Variants in DCP2 observed in about 807,000 individuals in gnomAD.
The protein encoded by DCP2 is m7GpppN-mRNA hydrolase.
Under a neutral mutation model 56.1 loss-of-function variants are expected in DCP2, and 30 were observed. The ratio of observed to expected loss-of-function variants is 0.53; its 90% confidence interval spans 0.40 to 0.73. The LOEUF is 0.73. DCP2 is among the 30% of genes least tolerant of loss of function. The pLI is 0.00. For synonymous variants in DCP2, 197 were observed against 163.3 expected, an observed-to-expected ratio of 1.21 and a Z score of -1.57; for missense variants, 533 against 502.7, an observed-to-expected ratio of 1.06 and a Z score of -0.58.
Position 113,015,344 on chromosome 5 carries a change from T to A in DCP2, c.*1860T>A, listed in dbSNP as rs1443396691. On this transcript the variant is annotated 3_prime_UTR_variant, in exon 11 of 11. Transcript: ENST00000389063. ...GAAACCATTTAACTTTTACTGTTTT[T>A]TATTTTTTTGGTATGTGTTTTTTTT... 3 of 152,496 alleles carry A rather than the reference T, an allele frequency of 2.0e-5. No individual in the cohort carries two copies. The highest frequency in any genetic ancestry group is 7.2e-5 in the African/African-American group (3 of 41,432). The allele number at this position is 152,496 out of a possible 1,614,324, so 9.4% of individuals were successfully genotyped here.
intron 4 of DCP2, 110 bp from the exon 5 acceptor site, chr5:113,000,974 A>G (rs1749150530): frequency 3.7e-6 from 4 of 1,082,134 alleles, no homozygotes; most frequent in South Asian, 1.7e-5. Flanking sequence ...TAGAAATAGT[A>G]AATACAAGTC....
intron 8 of DCP2, among the ~76,000 whole-genome samples, chr5:113,006,659 A>G (rs755211933): frequency 2.6e-5 from 4 of 152,016 alleles, no homozygotes; most frequent in East Asian, 1.9e-4. Context: ...TATTTATTCT[A>G]TTTTAGCCAG....
rs1750087906 is a variant in DCP2, at chr5:113,020,854, T to A, written c.*7370T>A. On this transcript the variant is annotated 3_prime_UTR_variant, in exon 11 of 11. Transcript: ENST00000389063. ...GCCTTTTAATCTTACAAAATACAATTTGAACGATGGAAGGTTGTTCAGATA... is the reference window on the plus strand; with the variant it reads ...GCCTTTTAATCTTACAAAATACAATATGAACGATGGAAGGTTGTTCAGATA... 6.6e-6 allele frequency: 1 copy of A among 152,350 alleles called. No individual in the cohort carries two copies. The highest frequency in any genetic ancestry group is 6.5e-5 in the Admixed American group (1 of 15,304). The allele number at this position is 152,350 out of a possible 1,614,324, so 9.4% of individuals were successfully genotyped here. A position where few individuals can be genotyped will look rare whatever the true frequency, so the allele number is the denominator to read the frequency against.
intron 1 of DCP2, among the ~76,000 whole-genome samples, chr5:112,980,683 A>G (rs1747964212): frequency 6.6e-6 from 1 of 152,216 alleles, no homozygotes; most frequent in Non-Finnish European, 1.5e-5. Flanking sequence ...TTTACTATTA[A>G]AAATATGTAA....
intron 7 of DCP2, 142 bp from the exon 8 acceptor site, chr5:113,003,800 T>C: frequency 1.1e-6 from 1 of 911,774 alleles, no homozygotes; most frequent in East Asian, 2.7e-5. Context: ...TTAAAATCTC[T>C]GCTCTCATAG....
chr5:113,002,492 G>C (rs939249172), intron 7 of DCP2, among the ~76,000 whole-genome samples: 8 of 151,718 alleles, frequency 5.3e-5, no homozygotes, highest in Non-Finnish European at 1.2e-4. Flanking sequence ...GACATAAACC[G>C]TGAAGAACAT....
In DCP2 at chr5:113,018,402, T is replaced by C. The variant is rs1320653148; in HGVS notation, c.*4918T>C. The C allele has an allele frequency of 6.6e-6, 1 of 151,680 alleles. No individual in the cohort carries two copies. The highest frequency in any genetic ancestry group is 1.5e-5 in the Non-Finnish European group (1 of 67,924). 9.4% of individuals were successfully genotyped at this position (151,680 alleles called of 1,614,324 possible). A position where few individuals can be genotyped will look rare whatever the true frequency, so the allele number is the denominator to read the frequency against. On this transcript the variant is annotated 3_prime_UTR_variant, in exon 11 of 11. Transcript: ENST00000389063. The stretch of plus-strand genomic sequence containing the variant: ...GGATCTTCTGTGGTTAGCAGAGGAG[T>C]ATGGTCTAGCTATGTTAGCAGCTTG...
chr5:112,999,777 G>A (rs1277077352), intron 4 of DCP2, among the ~76,000 whole-genome samples: 2 of 151,742 alleles, frequency 1.3e-5, no homozygotes, highest in Non-Finnish European at 2.9e-5. Flanking sequence ...AAACAGGCGT[G>A]CGGCCGGGCA....
chr5:113,002,475 C>CT (rs1290082749), intron 7 of DCP2, among the ~76,000 whole-genome samples: 1 of 151,460 alleles, frequency 6.6e-6, no homozygotes, highest in African/African-American at 2.4e-5. Context: ...AGAGTGACTA[C>CT]TACCTGGACA....
Position 113,020,261 on chromosome 5 carries a change from T to A in DCP2, c.*6777T>A, listed in dbSNP as rs1427954278. ...AAGTAGATTTGTGAACTTTATTTCT[T>A]TAGTAATTATTTTTATCTTATGTGA... On this transcript the variant is annotated 3_prime_UTR_variant, in exon 11 of 11. Coordinates refer to ENST00000389063, the MANE Select transcript of DCP2 (RefSeq NM_152624.6). The A allele has an allele frequency of 3.9e-5, 6 of 152,220 alleles. No homozygotes were observed. Among genetic ancestry groups the A allele is most frequent in the Admixed American group, 3.3e-4 (5 of 15,284 alleles). The allele number at this position is 152,220 out of a possible 1,614,324, so 9.4% of individuals were successfully genotyped here.
At chr5:112,985,477 T>C (rs1240695692) in intron 1 of DCP2, among the ~76,000 whole-genome samples, 1 of 152,238 alleles carries the variant, frequency 6.6e-6, no homozygotes, top group Non-Finnish European at 1.5e-5. Context: ...GCAAACATTT[T>C]AAAATTGTAT....
chr5:113,019,567 A>C lies in DCP2; in HGVS notation c.*6083A>C, dbSNP rs948114472. The C allele has an allele frequency of 3.9e-5, 6 of 152,204 alleles. No individual in the cohort carries two copies. The highest frequency in any genetic ancestry group is 7.4e-5 in the Non-Finnish European group (5 of 68,022). The allele number at this position is 152,204 out of a possible 1,614,324, so 9.4% of individuals were successfully genotyped here. ...GTTCTTTGGTCATATTTCACTTTAG[A>C]GTTAGGACAGGAGACAGCTAACCTG... On this transcript the variant is annotated 3_prime_UTR_variant, in exon 11 of 11. Transcript: ENST00000389063.
intron 8 of DCP2, among the ~76,000 whole-genome samples, chr5:113,006,358 G>A (rs994264289): frequency 6.6e-6 from 1 of 152,096 alleles, no homozygotes; most frequent in Admixed American, 6.6e-5. Context: ...TAAAAGTTGG[G>A]GAAGTGGGTA....
rs776321450 is a variant in DCP2, at chr5:113,010,780, C to T, written c.1072C>T (p.Arg358Trp). The change falls in exon 10 of 11, where the codon CGG (arginine) becomes TGG (tryptophan). Residue 358 changes from arginine to tryptophan, a missense_variant. By Grantham distance (101) the Arg-to-Trp change is moderately radical (BLOSUM62 -3). Around this residue, in one of 3 missense-constraint regions of DCP2, gnomAD observed 392 missense variants for 346.6 expected, o/e 1.13. Coordinates refer to ENST00000389063, the MANE Select transcript of DCP2 (RefSeq NM_152624.6). The stretch of plus-strand genomic sequence containing the variant: ...GAAGTGTGAAAAGAAACTTCATCCA[C>T]GGAAACTTCAGGATAATTTTGAAAC... ...LMKCEKKLHP[R>W]KLQDNFETDA... 31 of 1,591,838 alleles carry T rather than the reference C, an allele frequency of 1.9e-5. No homozygotes were observed. Among genetic ancestry groups the T allele is most frequent in the South Asian group, 1.8e-4 (16 of 86,974 alleles).
At chr5:112,979,367 A>AT (rs1333097483) in intron 1 of DCP2, among the ~76,000 whole-genome samples, 1 of 152,190 alleles carries the variant, frequency 6.6e-6, no homozygotes, top group Non-Finnish European at 1.5e-5. Context: ...AATGTTACAG[A>AT]TTCAAGCTTT....
intron 4 of DCP2, among the ~76,000 whole-genome samples, chr5:112,998,466 TTA>T (rs2150181434): frequency 1.3e-5 from 2 of 152,310 alleles, no homozygotes; most frequent in South Asian, 2.1e-4. Context: ...CTCATAATAC[TTA>T]TATCATATTA....
intron 4 of DCP2, among the ~76,000 whole-genome samples, chr5:112,993,842 G>T (rs1463822895): frequency 2.0e-5 from 3 of 152,046 alleles, no homozygotes; most frequent in African/African-American, 4.8e-5. Context: ...TCTCGTGTGT[G>T]TGTGTATGTG....
At chr5:113,007,855 A>G (rs1420161908) in intron 8 of DCP2, 83 bp from the exon 9 acceptor site, 2 of 1,229,350 alleles carry the variant, frequency 1.6e-6, no homozygotes, top group Non-Finnish European at 2.3e-6. Flanking sequence ...TGGTTCAACC[A>G]GCTAAACATA....
intron 7 of DCP2, among the ~76,000 whole-genome samples, chr5:113,002,225 C>G (rs1749213178): frequency 6.6e-6 from 1 of 152,074 alleles, no homozygotes; most frequent in South Asian, 2.1e-4. Context: ...GAGTTCAAGA[C>G]CAGCCTGGTC....
Sources: allele counts gnomAD v4.1 joint callset (sites outside exome capture counted in the v4.1 genomes callset), GRCh38; gene constraint gnomAD v4.1.1; regional missense constraint gnomAD v4.1.1; transcripts MANE v1.5; gene names NCBI Gene and HGNC (gene_info 2026-07-23, HGNC 2026-07-21).